The following SLC24A2 variants were observed in gnomAD, a reference collection of about 807,000 sequenced individuals.
SLC24A2 encodes sodium/potassium/calcium exchanger 2.
SLC24A2 carries 36 observed loss-of-function variants against 62.0 expected under a neutral mutation model. The ratio of observed to expected loss-of-function variants is 0.58; its 90% CI spans 0.44 to 0.77. The LOEUF (loss-of-function observed/expected upper bound fraction) is 0.77, where lower values mean the gene tolerates loss of function less well. Ranked by LOEUF, SLC24A2 falls within the 30% of genes least tolerant of loss-of-function variation. The pLI is 0.00. For missense variants in SLC24A2, 846 were observed against 817.9 expected (o/e 1.03, Z -0.42); for synonymous variants, 358 against 294.0 (o/e 1.22, Z -2.23).
the SLC24A2 span, among the ~76,000 whole-genome samples, chr9:20,279,772 G>A: frequency 6.6e-6 from 1 of 152,152 alleles, no homozygotes; most frequent in Non-Finnish European, 1.5e-5. Context: ...TTGGGTTACT[G>A]AACTGATCAT....
At chr9:19,625,883 T>A (rs1484884715) in intron 2 of SLC24A2, among the ~76,000 whole-genome samples, 1 of 151,884 alleles carries the variant, frequency 6.6e-6, no homozygotes, top group Non-Finnish European at 1.5e-5. Flanking sequence ...GACAGGGTTT[T>A]GCTATGTTGG....
the SLC24A2 span, among the ~76,000 whole-genome samples, chr9:20,247,522 G>A: frequency 1.6e-4 from 25 of 152,198 alleles, no homozygotes; most frequent in East Asian, 9.6e-4. Context: ...ACTCCTTACC[G>A]CTTCCAACAT....
At chr9:19,840,566 G>A in the SLC24A2 span, among the ~76,000 whole-genome samples, 1 of 152,064 alleles carries the variant, frequency 6.6e-6, no homozygotes, top group African/African-American at 2.4e-5. Flanking sequence ...TCATCAAATT[G>A]GGATTACAGA....
chr9:19,707,802 T>C lies in SLC24A2; in HGVS notation c.930+78135A>G, dbSNP rs984361840. 6.6e-5 allele frequency among the ~76,000 whole-genome samples: 10 copies of C among 152,268 alleles called. No individual in the cohort carries two copies. In the South Asian group the frequency reaches 2.1e-3, roughly 32 times the overall value. ...GACAAACCCACAGCCAATATCATACTGAATGGGCAAAAACTGGAAGCATTC... is the reference window on the plus strand; with the variant it reads ...GACAAACCCACAGCCAATATCATACCGAATGGGCAAAAACTGGAAGCATTC... On this transcript the variant is annotated intron_variant, in intron 2 of 10. Coordinates refer to ENST00000341998, the MANE Select transcript of SLC24A2 (RefSeq NM_020344.4).
chr9:19,832,292 A>G, the SLC24A2 span, among the ~76,000 whole-genome samples: 3 of 152,374 alleles, frequency 2.0e-5, no homozygotes, highest in Admixed American at 6.5e-5. Context: ...CTGATTTTAA[A>G]TGACTAACTA....
chr9:19,686,389 C>G (rs1453697690), intron 2 of SLC24A2, among the ~76,000 whole-genome samples: 1 of 152,084 alleles, frequency 6.6e-6, no homozygotes, highest in Non-Finnish European at 1.5e-5. Context: ...ACATTTGACC[C>G]AGCAATTCCA....
chr9:19,557,698 G>C (rs905942984), intron 7 of SLC24A2, among the ~76,000 whole-genome samples: 2 of 151,622 alleles, frequency 1.3e-5, no homozygotes, highest in Non-Finnish European at 2.9e-5. Flanking sequence ...TTCATCCATC[G>C]TGCAGCCTGG....
intron 2 of SLC24A2, among the ~76,000 whole-genome samples, chr9:19,737,839 A>G (rs1053562231): frequency 6.6e-6 from 1 of 152,092 alleles, no homozygotes; most frequent in African/African-American, 2.4e-5. Context: ...TTTTATAAAA[A>G]TGAAACTTTT....
chr9:20,001,846 A>G, the SLC24A2 span, among the ~76,000 whole-genome samples: 2 of 152,240 alleles, frequency 1.3e-5, no homozygotes, highest in Non-Finnish European at 2.9e-5. Flanking sequence ...TATTTAGTAG[A>G]GTGCTATCTC....
chr9:19,681,939 T>C (rs1819734730), intron 2 of SLC24A2, among the ~76,000 whole-genome samples: 1 of 152,170 alleles, frequency 6.6e-6, no homozygotes, highest in Non-Finnish European at 1.5e-5. Context: ...CAAACACTAG[T>C]TTGCAGAAAC....
At chr9:19,570,325 C>G (rs1307641622) in intron 7 of SLC24A2, among the ~76,000 whole-genome samples, 5 of 152,160 alleles carry the variant, frequency 3.3e-5, no homozygotes. Flanking sequence ...GTTATTTCTT[C>G]ATTCTTTGAG....
At chr9:20,272,099 G>C in the SLC24A2 span, among the ~76,000 whole-genome samples, 5 of 152,206 alleles carry the variant, frequency 3.3e-5, no homozygotes, top group Non-Finnish European at 7.3e-5. Flanking sequence ...TAATTGTCCT[G>C]CCTGAAATGC....
chr9:19,623,198 G>A (rs955298937), intron 2 of SLC24A2, among the ~76,000 whole-genome samples: 4 of 152,110 alleles, frequency 2.6e-5, no homozygotes, highest in Non-Finnish European at 5.9e-5. Flanking sequence ...CGAGATACAG[G>A]TGCCTGGTGA....
At chr9:20,177,003 C>T in the SLC24A2 span, among the ~76,000 whole-genome samples, 6 of 152,028 alleles carry the variant, frequency 3.9e-5, no homozygotes, top group African/African-American at 1.4e-4. Context: ...ACAGTCTTTA[C>T]TATGCACTCT....
At chr9:20,040,856 A>C in the SLC24A2 span, among the ~76,000 whole-genome samples, 2 of 152,244 alleles carry the variant, frequency 1.3e-5, no homozygotes, top group African/African-American at 2.4e-5. Context: ...CAACAAGCCT[A>C]AGAGTTGAGC....
At chr9:19,989,310 T>G in the SLC24A2 span, among the ~76,000 whole-genome samples, 1 of 152,112 alleles carries the variant, frequency 6.6e-6, no homozygotes, top group Non-Finnish European at 1.5e-5. Flanking sequence ...TTTTTCTCAT[T>G]TTTAAAATGA....
intron 2 of SLC24A2, among the ~76,000 whole-genome samples, chr9:19,782,627 A>C (rs1823050016): frequency 6.6e-6 from 1 of 152,200 alleles, no homozygotes; most frequent in African/African-American, 2.4e-5. Flanking sequence ...GTCTTCAAGG[A>C]ATGTTTTATA....
intron 2 of SLC24A2, among the ~76,000 whole-genome samples, chr9:19,765,026 T>C (rs922946096): frequency 1.3e-5 from 2 of 152,242 alleles, no homozygotes; most frequent in African/African-American, 4.8e-5. Flanking sequence ...TCTTGTTGCA[T>C]TGATCCCTTT....
chr9:19,941,183 G>T, the SLC24A2 span, among the ~76,000 whole-genome samples: 1 of 152,250 alleles, frequency 6.6e-6, no homozygotes, highest in East Asian at 1.9e-4. Context: ...GTCTATATGG[G>T]GTCCCTGGAA....
Sources: allele counts gnomAD v4.1 joint callset (sites outside exome capture counted in the v4.1 genomes callset), GRCh38; gene constraint gnomAD v4.1.1; transcripts MANE v1.5; gene names NCBI Gene and HGNC (gene_info 2026-07-23, HGNC 2026-07-21).